Variants in FOXP2 observed in about 807,000 individuals in gnomAD.
FOXP2 encodes the protein forkhead box protein P2.
FOXP2 carries 12 observed loss-of-function variants against 115.8 expected under a neutral mutation model. That is an observed-to-expected ratio of 0.10 (90% confidence interval 0.07 to 0.17). FOXP2 has a LOEUF of 0.17. Among genes scored for constraint, FOXP2 ranks in the 10% least tolerant of loss-of-function variants. The pLI is 1.00. For missense variants in FOXP2, 629 were observed against 843.5 expected (o/e 0.75, Z 3.15); for synonymous variants, 328 against 297.7 (o/e 1.10, Z -1.05).
chr7:114,521,283 C>T (rs1016241956), intron 2 of FOXP2, among the ~76,000 whole-genome samples: 13 of 151,936 alleles, frequency 8.6e-5, no homozygotes, highest in Non-Finnish European at 1.3e-4. Flanking sequence ...AATTCGTAAA[C>T]TGAATAACAA....
chr7:114,437,650 C>G (rs1288017723), intron 2 of FOXP2, among the ~76,000 whole-genome samples: 1 of 152,118 alleles, frequency 6.6e-6, no homozygotes, highest in Non-Finnish European at 1.5e-5. Context: ...ACTATTTTTA[C>G]TAATAATAAA....
chr7:114,355,772 G>A (rs1452532586), intron 2 of FOXP2, among the ~76,000 whole-genome samples: 1 of 152,080 alleles, frequency 6.6e-6, no homozygotes, highest in East Asian at 1.9e-4. Flanking sequence ...GGGGTGACTG[G>A]CATTGCTTCC....
chr7:114,517,753 A>G (rs1468471124), intron 2 of FOXP2, among the ~76,000 whole-genome samples: 1 of 152,110 alleles, frequency 6.6e-6, no homozygotes, highest in Non-Finnish European at 1.5e-5. Flanking sequence ...TGAAAAGCAG[A>G]CAGTTGTGAT....
At chr7:114,652,981 G>A (rs1310033864) in intron 9 of FOXP2, among the ~76,000 whole-genome samples, 1 of 152,090 alleles carries the variant, frequency 6.6e-6, no homozygotes, top group East Asian at 1.9e-4. Flanking sequence ...CTCTTGTTAT[G>A]TTTTACTAAG....
intron 1 of FOXP2, among the ~76,000 whole-genome samples, chr7:114,244,906 C>T (rs1795241344): frequency 6.6e-6 from 1 of 151,840 alleles, no homozygotes. Context: ...GGACTACAGG[C>T]GCCCACCATC....
intron 8 of FOXP2, among the ~76,000 whole-genome samples, chr7:114,651,983 A>G (rs1299343660): frequency 6.6e-6 from 1 of 152,126 alleles, no homozygotes; most frequent in African/African-American, 2.4e-5. Flanking sequence ...AAGCTTAGAG[A>G]CAGTGACATT....
chr7:114,341,772 T>C (rs1219150782), intron 2 of FOXP2, among the ~76,000 whole-genome samples: 2 of 151,362 alleles, frequency 1.3e-5, no homozygotes, highest in Non-Finnish European at 3.0e-5. Context: ...TTTTAAGGAA[T>C]CTTTTCCCCT....
chr7:114,492,743 G>A (rs1338792940), intron 2 of FOXP2, among the ~76,000 whole-genome samples: 2 of 152,256 alleles, frequency 1.3e-5, no homozygotes, highest in South Asian at 4.1e-4. Context: ...TCTTAATACT[G>A]AGTTCTAGTT....
chr7:114,119,265 C>T (rs1791493776), intron 1 of FOXP2, among the ~76,000 whole-genome samples: 2 of 152,156 alleles, frequency 1.3e-5, no homozygotes, highest in African/African-American at 2.4e-5. Context: ...AGAGCTTCTA[C>T]TGCTCATGCT....
chr7:114,102,077 T>G (rs1790984753), intron 1 of FOXP2, among the ~76,000 whole-genome samples: 2 of 152,076 alleles, frequency 1.3e-5, no homozygotes, highest in African/African-American at 4.8e-5. Flanking sequence ...CCTTAAATTT[T>G]TTGTTTTTTG....
chr7:114,390,936 C>G (rs1387195099), intron 2 of FOXP2, among the ~76,000 whole-genome samples: 1 of 152,090 alleles, frequency 6.6e-6, no homozygotes, highest in African/African-American at 2.4e-5. Flanking sequence ...TGTCTGTAAT[C>G]CCAGCACTTT....
At chr7:114,351,450 C>T (rs1042192079) in intron 2 of FOXP2, among the ~76,000 whole-genome samples, 5 of 152,044 alleles carry the variant, frequency 3.3e-5, no homozygotes, top group Non-Finnish European at 7.4e-5. Flanking sequence ...CTATAAAGCA[C>T]ATTGGTGCTT....
intron 1 of FOXP2, among the ~76,000 whole-genome samples, chr7:114,268,208 A>G (rs1033085078): frequency 3.9e-5 from 6 of 152,168 alleles, no homozygotes; most frequent in African/African-American, 1.4e-4. Context: ...TTATTTATCC[A>G]TTTATCCTCT....
At position 114,116,689 on chromosome 7, in the gene FOXP2, T is replaced by A. The variant is rs555060883; in HGVS notation, c.-247+28851T>A. Among the ~76,000 whole-genome samples, 3 of 152,182 alleles carry A rather than the reference T, an allele frequency of 2.0e-5. No homozygotes were observed. In the East Asian group the frequency reaches 5.8e-4, roughly 29 times the overall value. On this transcript the variant is annotated intron_variant, in intron 1 of 19. Coordinates refer to the FOXP2 transcript ENST00000635638. ...TAGATAAGGAAATAGAGTATTGAAA[T>A]AAGTTAATAGTAAACTATATGGGAT...
chr7:114,536,878 A>G (rs1194080969), intron 3 of FOXP2, among the ~76,000 whole-genome samples: 1 of 151,506 alleles, frequency 6.6e-6, no homozygotes, highest in African/African-American at 2.4e-5. Context: ...ATACACTGCA[A>G]TTAATAAAAT....
intron 1 of FOXP2, among the ~76,000 whole-genome samples, chr7:114,229,640 G>C (rs565687553): frequency 6.6e-6 from 1 of 151,534 alleles, no homozygotes; most frequent in Non-Finnish European, 1.5e-5. Flanking sequence ...ACATATTCTT[G>C]AACAACCATT....
intron 2 of FOXP2, among the ~76,000 whole-genome samples, chr7:114,292,207 T>C (rs1327222579): frequency 1.3e-5 from 2 of 151,736 alleles, no homozygotes; most frequent in African/African-American, 4.8e-5. Flanking sequence ...GGGCATGAAC[T>C]TGGGGGCCAC....
intron 1 of FOXP2, among the ~76,000 whole-genome samples, chr7:114,088,464 A>G (rs1369789474): frequency 6.6e-6 from 1 of 152,230 alleles, no homozygotes; most frequent in African/African-American, 2.4e-5. Flanking sequence ...CCTGTTGTCA[A>G]GCAGCTGAAG....
intron 2 of FOXP2, among the ~76,000 whole-genome samples, chr7:114,364,130 T>C (rs1429190625): frequency 6.6e-6 from 1 of 152,214 alleles, no homozygotes; most frequent in African/African-American, 2.4e-5. Context: ...ATGATGGTAG[T>C]GTTGAATTTC....
Sources: gnomAD v4.1 joint callset for allele counts (sites outside exome capture counted in the v4.1 genomes callset) on GRCh38, gnomAD v4.1.1 for gene constraint, MANE v1.5 for transcripts, NCBI Gene and HGNC (gene_info 2026-07-23, HGNC 2026-07-21) for gene names.